ATP2B2: variants seen among roughly 807,000 people sequenced by gnomAD.
ATP2B2 encodes plasma membrane calcium-transporting ATPase 2.
In ATP2B2, 15 loss-of-function variants were observed where a neutral mutation model predicts 120.0. The ratio of observed to expected loss-of-function variants is 0.12; its 90% CI spans 0.08 to 0.19. The LOEUF (loss-of-function observed/expected upper bound fraction) is 0.19, where lower values mean the gene tolerates loss of function less well. Ranked by LOEUF, ATP2B2 falls within the 10% of genes least tolerant of loss-of-function variation. The pLI, the probability that ATP2B2 is intolerant of heterozygous loss-of-function variation, is 1.00. For missense variants in ATP2B2, 1,045 were observed against 1,719.8 expected, an observed-to-expected ratio of 0.61 and a Z score of 6.94; for synonymous variants, 694 against 700.3, an observed-to-expected ratio of 0.99 and a Z score of 0.14.
At chr3:10,370,297 C>A (rs2061187820) in intron 12 of ATP2B2, among the ~76,000 whole-genome samples, 1 of 152,230 alleles carries the variant, frequency 6.6e-6, no homozygotes, top group African/African-American at 2.4e-5. Flanking sequence ...TGGCTGAAGC[C>A]CGTTCTGGGA....
At chr3:10,601,215 G>A (rs752839820) in intron 2 of ATP2B2, among the ~76,000 whole-genome samples, 6 of 152,182 alleles carry the variant, frequency 3.9e-5, no homozygotes, top group Non-Finnish European at 7.3e-5. Context: ...GGAGTCCCCA[G>A]AGGCCATGAT....
intron 5 of ATP2B2, among the ~76,000 whole-genome samples, chr3:10,390,800 T>G (rs2061826475): frequency 6.6e-6 from 1 of 152,096 alleles, no homozygotes; most frequent in African/African-American, 2.4e-5. Context: ...GCTCAGACAT[T>G]GGCTCTAGGC....
chr3:10,504,303 C>T (rs892599283), intron 1 of ATP2B2, among the ~76,000 whole-genome samples: 3 of 152,184 alleles, frequency 2.0e-5, no homozygotes, highest in Non-Finnish European at 2.9e-5. Flanking sequence ...AGAATTTCTC[C>T]GGATGGCGCC....
At chr3:10,528,023 G>C (rs13321156) in intron 3 of ATP2B2, among the ~76,000 whole-genome samples, 2 of 152,192 alleles carry the variant, frequency 1.3e-5, no homozygotes, top group African/African-American at 2.4e-5. Context: ...TTCACAGTGC[G>C]GTAATCGGCA....
intron 1 of ATP2B2, among the ~76,000 whole-genome samples, chr3:10,655,238 C>T (rs1443114707): frequency 6.6e-6 from 1 of 151,328 alleles, no homozygotes; most frequent in African/African-American, 2.4e-5. Flanking sequence ...CTGCTCTTCC[C>T]TTTCTCAACC....
intron 8 of ATP2B2, among the ~76,000 whole-genome samples, chr3:10,382,116 C>A (rs1014831874): frequency 6.6e-6 from 1 of 151,764 alleles, no homozygotes; most frequent in African/African-American, 2.4e-5. Context: ...ACGTTGAACT[C>A]CTGGGCTCAA....
At chr3:10,388,111 G>T in intron 6 of ATP2B2, 166 bp downstream of exon 6, 2 of 947,768 alleles carry the variant, frequency 2.1e-6, no homozygotes, top group Non-Finnish European at 1.7e-6. Context: ...GGAACAGACA[G>T]AGCCTACCTG....
chr3:10,629,303 C>T (rs2069796793), intron 1 of ATP2B2, among the ~76,000 whole-genome samples: 1 of 152,200 alleles, frequency 6.6e-6, no homozygotes, highest in Non-Finnish European at 1.5e-5. Context: ...CCTCTGCACA[C>T]GTCTACAAAT....
chr3:10,528,822 G>A (rs1031218332), intron 3 of ATP2B2, among the ~76,000 whole-genome samples: 1 of 152,314 alleles, frequency 6.6e-6, no homozygotes, highest in Admixed American at 6.5e-5. Context: ...AAGCAGGTGC[G>A]TTGGCTCATG....
intron 2 of ATP2B2, among the ~76,000 whole-genome samples, chr3:10,535,319 G>A: frequency 6.6e-6 from 1 of 152,014 alleles, no homozygotes; most frequent in East Asian, 1.9e-4. Flanking sequence ...TTGCACTACT[G>A]CAGCATGCCA....
chr3:10,617,864 C>G (rs1161234371), intron 2 of ATP2B2, among the ~76,000 whole-genome samples: 3 of 145,254 alleles, frequency 2.1e-5, no homozygotes, highest in African/African-American at 7.3e-5. Flanking sequence ...TGTGGCCCAC[C>G]TGGCCCCCAC....
chr3:10,357,521 C>T (rs950418397), intron 14 of ATP2B2, among the ~76,000 whole-genome samples: 1 of 152,106 alleles, frequency 6.6e-6, no homozygotes, highest in African/African-American at 2.4e-5. Context: ...TCCCTTTTAC[C>T]TTAAAGAGAG....
chr3:10,360,182 C>T (rs2125451799), intron 12 of ATP2B2, 59 bp from the exon 13 acceptor site: 3 of 1,526,330 alleles, frequency 2.0e-6, no homozygotes, highest in Admixed American at 3.8e-5. Flanking sequence ...GAGCCTCTGC[C>T]CTGGCTGCCA....
chr3:10,363,609 T>C (rs2060962043), intron 12 of ATP2B2, among the ~76,000 whole-genome samples: 1 of 152,078 alleles, frequency 6.6e-6, no homozygotes, highest in South Asian at 2.1e-4. Context: ...CTAAGATCAA[T>C]GAATGATGAC....
At chr3:10,484,560 C>T (rs951585422) in intron 1 of ATP2B2, among the ~76,000 whole-genome samples, 5 of 152,114 alleles carry the variant, frequency 3.3e-5, no homozygotes, top group Non-Finnish European at 4.4e-5. Context: ...CACGGCCTGT[C>T]CCCAGGCTTC....
chr3:10,641,937 A>C (rs1014783629), intron 1 of ATP2B2, among the ~76,000 whole-genome samples: 3 of 151,312 alleles, frequency 2.0e-5, no homozygotes, highest in Non-Finnish European at 4.4e-5. Flanking sequence ...ATTCATACAT[A>C]ATAAAACCAT....
At chr3:10,601,294 A>G (rs2068912709) in intron 2 of ATP2B2, among the ~76,000 whole-genome samples, 2 of 152,160 alleles carry the variant, frequency 1.3e-5, no homozygotes, top group Non-Finnish European at 2.9e-5. Context: ...CAGTTCGGTC[A>G]TACCCTGAGT....
rs532499280 is a variant in ATP2B2 at position 10,631,457 on chromosome 3, C to T, written c.-459-11496G>A. On this transcript the variant is annotated intron_variant, in intron 1 of 21. Coordinates refer to the ATP2B2 transcript ENST00000646379. ...GTGACATGACTTGCTCAAGGTCACA[C>T]AGTTGGCAAGTGGCAGAGCAAGGCC... 4.3e-4 allele frequency among the ~76,000 whole-genome samples: 65 copies of T among 152,316 alleles called. 1 individual carries two copies. Among genetic ancestry groups the T allele is most frequent in the Non-Finnish European group, 6.5e-4 (44 of 68,026 alleles).
intron 8 of ATP2B2, among the ~76,000 whole-genome samples, chr3:10,381,050 T>C (rs2061516956): frequency 6.6e-6 from 1 of 152,236 alleles, no homozygotes; most frequent in Non-Finnish European, 1.5e-5. Context: ...AATAGCCCCA[T>C]GGCTGCAGGA....
Sources: allele counts gnomAD v4.1 joint callset (sites outside exome capture counted in the v4.1 genomes callset), GRCh38; gene constraint gnomAD v4.1.1; transcripts MANE v1.5; gene names NCBI Gene and HGNC (gene_info 2026-07-23, HGNC 2026-07-21).